FSD1: variants seen among roughly 807,000 people sequenced by gnomAD.
FSD1 encodes fibronectin type III and SPRY domain containing 1, also known as fibronectin type III and SPRY domain-containing protein 1.
In FSD1, 23 loss-of-function variants were observed where a neutral mutation model predicts 58.2. That is an observed-to-expected ratio of 0.40 (90% CI 0.28 to 0.56). The LOEUF (loss-of-function observed/expected upper bound fraction) is 0.56, where lower values mean the gene tolerates loss of function less well. Ranked by LOEUF, FSD1 falls within the 20% of genes least tolerant of loss-of-function variation. The pLI is 0.54. For missense variants in FSD1, 563 were observed against 670.8 expected (o/e 0.84, Z 1.78); for synonymous variants, 265 against 263.4 (o/e 1.01, Z -0.06).
chr19:4,319,748 A>G (rs886376688), intron 10 of FSD1, among the ~76,000 whole-genome samples: 1 of 151,478 alleles, frequency 6.6e-6, no homozygotes, highest in African/African-American at 2.4e-5. Flanking sequence ...AGAGAGAGAG[A>G]TCATCCTTGG....
intron 7 of FSD1, among the ~76,000 whole-genome samples, chr19:4,312,639 T>TA (rs1051058517): frequency 6.6e-6 from 1 of 150,690 alleles, no homozygotes; most frequent in Non-Finnish European, 1.5e-5. Context: ...CTGTATCTAC[T>TA]AAAAAAATAC....
chr19:4,314,721 A>T (rs112598039), intron 7 of FSD1, among the ~76,000 whole-genome samples: 13,222 of 152,218 alleles, frequency 0.087, 778 homozygotes, highest in African/African-American at 0.17. Context: ...TCCTGACCTC[A>T]GGTGATCCGC....
In FSD1 at chr19:4,314,187, G is replaced by T. The variant is rs545692969; in HGVS notation, c.700+2136G>T. 5.5e-4 allele frequency among the ~76,000 whole-genome samples: 84 copies of T among 152,302 alleles called. 1 individual carries two copies. Among genetic ancestry groups the T allele is most frequent in the Non-Finnish European group, 9.4e-4 (64 of 68,030 alleles). Reference sequence around the variant, plus strand: ...AATTAGCATACATGGTTAATCATGAGCACGCTAACTGCAGGGGGAAAAGTC... The same window carrying T: ...AATTAGCATACATGGTTAATCATGATCACGCTAACTGCAGGGGGAAAAGTC... On this transcript the variant is annotated intron_variant, in intron 7 of 12. Coordinates refer to ENST00000221856, the MANE Select transcript of FSD1 (RefSeq NM_024333.3).
rs1412638949 is a variant in FSD1 at position 4,311,897 on chromosome 19, G to A, written c.546G>A (p.Val182=). 6.2e-7 allele frequency: 1 copy of A among 1,614,186 alleles called. No homozygotes were observed. The highest frequency in any genetic ancestry group is 8.5e-7 in the Non-Finnish European group (1 of 1,180,040). Residue 182 remains valine (V), a synonymous_variant, in exon 7 of 13, where the codon GTG becomes GTA. Transcript: ENST00000221856. ...AGTCCCTGGTGGCAGATAACTGTGT[G>A]ACCCTGGTGTGGCGCATGCCGGATG... ...LAESLVADNC[V]TLVWRMPDED... is the part of the protein sequence containing the mutation.
chr19:4,321,069 AG>A (rs1971810393), intron 10 of FSD1, among the ~76,000 whole-genome samples: 1 of 83,390 alleles, frequency 1.2e-5, no homozygotes. Context: ...GAGTATCTGG[AG>A]GGAAATAGCT....
chr19:4,309,331 C>T (rs1412598360), intron 4 of FSD1, among the ~76,000 whole-genome samples: 3 of 152,076 alleles, frequency 2.0e-5, no homozygotes, highest in Admixed American at 6.6e-5. Flanking sequence ...TATATATGTG[C>T]ACACTAAGAA....
At chr19:4,309,187 A>T (rs1971660614) in intron 4 of FSD1, among the ~76,000 whole-genome samples, 3 of 152,148 alleles carry the variant, frequency 2.0e-5, no homozygotes. Context: ...GTTCAAGGTT[A>T]CAATGAGCCG....
intron 7 of FSD1, among the ~76,000 whole-genome samples, chr19:4,314,636 A>G (rs556079232): frequency 1.2e-4 from 19 of 152,010 alleles, no homozygotes; most frequent in Admixed American, 1.1e-3. Flanking sequence ...ACAGGCGCCC[A>G]CCACCATGCC....
chr19:4,306,299 G>A lies in FSD1; in HGVS notation c.213G>A (p.Gln71=), dbSNP rs1376939144. The A allele has an allele frequency of 1.2e-6, 2 of 1,614,074 alleles. No individual in the cohort carries two copies. The highest frequency in any genetic ancestry group is 1.7e-6 in the Non-Finnish European group (2 of 1,180,008). ...AAGGCATGCTTATGAAGATAAAACA[G>A]GACCGTGCCAGCCGTACCTACGAGC... ...LKEGMLMKIK[Q]DRASRTYELQ... The change falls in exon 3 of 13, where the codon CAG becomes CAA. Residue 71 remains glutamine (Q), a synonymous_variant. Coordinates refer to ENST00000221856, the MANE Select transcript of FSD1 (RefSeq NM_024333.3).
In FSD1 at chr19:4,323,286, C is replaced by G. The variant is rs775035314; in HGVS notation, c.1291+49C>G. On this transcript the variant is annotated intron_variant, in intron 11 of 12. Transcript: ENST00000221856. The surrounding 1 kb of genome is among the most constrained non-coding windows in gnomAD (Gnocchi z 7.7). Reference sequence around the variant, plus strand: ...TCTCTGGCTGCCCCTGCCTGAGTCCCCTCCGTCTGCCCCCATCCCACTTCT... The same window carrying G: ...TCTCTGGCTGCCCCTGCCTGAGTCCGCTCCGTCTGCCCCCATCCCACTTCT... 6.2e-7 allele frequency: 1 copy of G among 1,608,430 alleles called. No individual in the cohort carries two copies. Among genetic ancestry groups the G allele is most frequent in the South Asian group, 1.1e-5 (1 of 91,046 alleles).
At chr19:4,314,020 T>G (rs1489056149) in intron 7 of FSD1, among the ~76,000 whole-genome samples, 1 of 147,300 alleles carries the variant, frequency 6.8e-6, no homozygotes, top group Non-Finnish European at 1.5e-5. Context: ...AGAGGGAGAC[T>G]CCGTCTCAAA....
chr19:4,323,208 G>A lies in FSD1; in HGVS notation c.1262G>A (p.Cys421Tyr). The A allele has an allele frequency of 6.2e-7, 1 of 1,605,164 alleles. No homozygotes were observed. The highest frequency in any genetic ancestry group is 1.1e-5 in the South Asian group (1 of 91,080). Reference sequence around the variant, plus strand: ...GTGCTGGACGCCCCCGTGCCCGACTGCCTGGGTGTGCACTGTGACTTCCAC... The same window carrying A: ...GTGCTGGACGCCCCCGTGCCCGACTACCTGGGTGTGCACTGTGACTTCCAC... ...VKVLDAPVPD[C>Y]LGVHCDFHQG... The change falls in exon 11 of 13, where the codon TGC becomes TAC. Residue 421 changes from cysteine (C) to tyrosine (Y), a missense_variant. Coordinates refer to ENST00000221856, the MANE Select transcript of FSD1 (RefSeq NM_024333.3). The surrounding 1 kb of genome is among the most constrained non-coding windows in gnomAD (Gnocchi z 7.7).
intron 3 of FSD1, among the ~76,000 whole-genome samples, chr19:4,306,841 C>T (rs749582568): frequency 1.3e-5 from 2 of 152,086 alleles, no homozygotes; most frequent in East Asian, 1.9e-4. Flanking sequence ...TCAGTGCCTC[C>T]GGTTTCTCAG....
At chr19:4,322,529 G>A (rs1333041138) in intron 10 of FSD1, among the ~76,000 whole-genome samples, 3 of 151,822 alleles carry the variant, frequency 2.0e-5, no homozygotes, top group East Asian at 3.9e-4. Context: ...AGTATCTGGA[G>A]GGAATAGCTG....
At position 4,311,977 on chromosome 19, in the gene FSD1, G is replaced by A. The variant is rs1355445198; in HGVS notation, c.626G>A (p.Gly209Asp). ...GAGTACCGGCGGACCAACTTCGAGGGCCCGCCCCGCCTCAAGGAGGACCAG... is the reference window on the plus strand; with the variant it reads ...GAGTACCGGCGGACCAACTTCGAGGACCCGCCCCGCCTCAAGGAGGACCAG... ...VLEYRRTNFE[G>D]PPRLKEDQPW... Residue 209 changes from glycine to aspartate, a missense_variant, in exon 7 of 13, where the codon GGC (glycine) becomes GAC (aspartate). Gly to Asp is a moderately conservative substitution (Grantham distance 94, BLOSUM62 -1). Coordinates refer to ENST00000221856, the MANE Select transcript of FSD1 (RefSeq NM_024333.3). 1 of 1,602,522 alleles carries A rather than the reference G, an allele frequency of 6.2e-7. No individual in the cohort carries two copies. The highest frequency in any genetic ancestry group is 8.5e-7 in the Non-Finnish European group (1 of 1,178,128).
Position 4,316,412 on chromosome 19 carries a change from G to A in FSD1, c.701-770G>A, listed in dbSNP as rs545947264. 5.3e-5 allele frequency among the ~76,000 whole-genome samples: 8 copies of A among 149,842 alleles called. 1 individual carries two copies. The East Asian group carries it at 1.2e-3, about 23-fold the overall frequency. On this transcript the variant is annotated intron_variant, in intron 7 of 12. Transcript: ENST00000221856. ...ATTTTTATATTTTTAGTAGAGATGC[G>A]GTTTCATCATGTTGGCCAGGCTGGT...
rs780778980 is a variant in FSD1 at position 4,323,243 on chromosome 19, C to A, written c.1291+6C>A. 1 of 1,605,110 alleles carries A rather than the reference C, an allele frequency of 6.2e-7. No individual in the cohort carries two copies. Among genetic ancestry groups the A allele is most frequent in the Non-Finnish European group, 8.5e-7 (1 of 1,178,834 alleles). On this transcript the variant is annotated splice_donor_region_variant and intron_variant, in intron 11 of 12. Coordinates refer to ENST00000221856, the MANE Select transcript of FSD1 (RefSeq NM_024333.3). This position sits in a 1 kb window ranked among gnomAD's most constrained non-coding sequence, Gnocchi z 7.7. ...GCACTGTGACTTCCACCAAGGTGAC[C>A]CCAAGCCCCAGCTGCCGTCTCTGGC... is the stretch of plus-strand genomic sequence containing the variant.
At chr19:4,313,590 C>T (rs562797691) in intron 7 of FSD1, among the ~76,000 whole-genome samples, 6 of 151,302 alleles carry the variant, frequency 4.0e-5, no homozygotes, top group South Asian at 2.1e-4. Context: ...TGGTGGCGGG[C>T]GCCTGTAATC....
intron 7 of FSD1, among the ~76,000 whole-genome samples, chr19:4,316,959 G>T (rs528125472): frequency 6.6e-6 from 1 of 152,126 alleles, no homozygotes; most frequent in East Asian, 1.9e-4. Context: ...CACCATATTG[G>T]TCAGGCTGGT....
Sources: allele counts gnomAD v4.1 joint callset (sites outside exome capture counted in the v4.1 genomes callset), GRCh38; gene constraint gnomAD v4.1.1; non-coding constraint Gnocchi (gnomAD v3.1); transcripts MANE v1.5; gene names NCBI Gene and HGNC (gene_info 2026-07-23, HGNC 2026-07-21).